The following GPD2 variants were observed in gnomAD, a reference collection of about 807,000 sequenced individuals.
The protein encoded by GPD2 is glycerol-3-phosphate dehydrogenase, mitochondrial.
GPD2 carries 54 observed loss-of-function variants against 82.4 expected under a neutral mutation model. That is an observed-to-expected ratio of 0.66 (90% confidence interval 0.53 to 0.82). The LOEUF is 0.82. Ranked by LOEUF, GPD2 falls within the 40% of genes least tolerant of loss-of-function variation. GPD2 has a pLI of 0.00. For missense variants in GPD2, 748 were observed against 896.2 expected (o/e 0.83, Z 2.11); for synonymous variants, 288 against 306.1 (o/e 0.94, Z 0.62).
At chr2:156,553,597 C>G (rs3769367) in intron 8 of GPD2, among the ~76,000 whole-genome samples, 40,184 of 151,948 alleles carry the variant, frequency 0.26, 5,822 homozygotes, top group East Asian at 0.58. Flanking sequence ...CTTATTCCCC[C>G]TACCTTTTGT....
intron 10 of GPD2, 23 bp downstream of exon 10, chr2:156,568,982 T>C: frequency 6.5e-7 from 1 of 1,533,820 alleles, no homozygotes; most frequent in Non-Finnish European, 8.8e-7. Context: ...ACCTTGTTAT[T>C]TTCTTTTCTT....
At chr2:156,484,338 T>C (rs897781464) in intron 2 of GPD2, among the ~76,000 whole-genome samples, 7 of 151,892 alleles carry the variant, frequency 4.6e-5, no homozygotes, top group African/African-American at 1.7e-4. Context: ...GGTTTCGCCA[T>C]GTTGGCCAGG....
chr2:156,489,020 C>T (rs2105226555), intron 2 of GPD2, among the ~76,000 whole-genome samples: 1 of 152,164 alleles, frequency 6.6e-6, no homozygotes, highest in East Asian at 1.9e-4. Context: ...GTTGGGCTCT[C>T]CTCTTTTCTG....
upstream of GPD2, among the ~76,000 whole-genome samples, chr2:156,432,773 A>AAGAGTGGG (rs1357981837): frequency 1.3e-5 from 2 of 152,184 alleles, no homozygotes; most frequent in Non-Finnish European, 2.9e-5. Flanking sequence ...TGTGTGTGTG[A>AAGAGTGGG]AGAGTGGGAG....
At chr2:156,539,523 C>G (rs1370963485) in intron 6 of GPD2, among the ~76,000 whole-genome samples, 1 of 152,154 alleles carries the variant, frequency 6.6e-6, no homozygotes, top group Non-Finnish European at 1.5e-5. Context: ...GTGGAATCTT[C>G]CTGTGATTAA....
chr2:156,571,682 G>A (rs1320921728), intron 13 of GPD2, among the ~76,000 whole-genome samples: 3 of 152,088 alleles, frequency 2.0e-5, no homozygotes, highest in Admixed American at 6.6e-5. Flanking sequence ...CTTATCATTT[G>A]TGTCATTTGA....
chr2:156,529,111 C>A (rs926816645), intron 6 of GPD2, among the ~76,000 whole-genome samples: 4 of 145,672 alleles, frequency 2.7e-5, no homozygotes, highest in Admixed American at 2.1e-4. Context: ...TGTTTCCTGA[C>A]TTTTTAATGA....
At chr2:156,418,168 T>G in the GPD2 span, among the ~76,000 whole-genome samples, 2 of 151,558 alleles carry the variant, frequency 1.3e-5, no homozygotes, top group East Asian at 3.9e-4. Flanking sequence ...TGCGCGGAGA[T>G]TGAGCCACTG....
intron 1 of GPD2, among the ~76,000 whole-genome samples, chr2:156,454,493 G>GAA (rs66530643): frequency 0.24 from 35,310 of 148,504 alleles, 4,959 homozygotes; most frequent in South Asian, 0.33. Flanking sequence ...CTATCTCTAT[G>GAA]AAAAAAAAAA....
chr2:156,517,345 A>G (rs75266297), intron 6 of GPD2, among the ~76,000 whole-genome samples: 1,743 of 152,318 alleles, frequency 0.011, 30 homozygotes, highest in African/African-American at 0.039. Flanking sequence ...TTAACCACTG[A>G]AAAACAAATT....
At chr2:156,405,642 T>C in the GPD2 span, among the ~76,000 whole-genome samples, 676 of 152,310 alleles carry the variant, frequency 4.4e-3, 21 homozygotes, top group Admixed American at 0.036. Flanking sequence ...AATGCTGTAG[T>C]AGGCAGTGAT....
chr2:156,530,465 A>G (rs534620783), intron 6 of GPD2, among the ~76,000 whole-genome samples: 2,121 of 150,998 alleles, frequency 0.014, 27 homozygotes, highest in South Asian at 0.021. Flanking sequence ...TTCCAACACT[A>G]TGTTGAATAG....
chr2:156,581,482 A>G (rs1442566348), intron 16 of GPD2, among the ~76,000 whole-genome samples: 4 of 152,284 alleles, frequency 2.6e-5, no homozygotes, highest in Admixed American at 1.3e-4. Flanking sequence ...AGACAAAGCA[A>G]TAAACAATAA....
At chr2:156,496,967 A>G (rs1015544693) in intron 3 of GPD2, among the ~76,000 whole-genome samples, 2 of 151,712 alleles carry the variant, frequency 1.3e-5, no homozygotes, top group Non-Finnish European at 2.9e-5. Context: ...CATTCTGTCT[A>G]TTAGTGGAAA....
intron 6 of GPD2, among the ~76,000 whole-genome samples, chr2:156,533,756 CTGACCCCCCTCGCAGGA>C (rs1234435992): frequency 6.6e-6 from 1 of 152,220 alleles, no homozygotes; most frequent in Non-Finnish European, 1.5e-5. Context: ...GGAGAGTTCT[CTGACCCCCCTCGCAGGA>C]TGTGCAATGG....
At chr2:156,451,101 CT>C (rs1387413378) in intron 1 of GPD2, among the ~76,000 whole-genome samples, 3 of 149,400 alleles carry the variant, frequency 2.0e-5, no homozygotes, top group Non-Finnish European at 3.0e-5. Context: ...ATTTCTCAAT[CT>C]TTTCCCCACC....
chr2:156,553,651 C>T (rs1008575291), intron 8 of GPD2, among the ~76,000 whole-genome samples: 3 of 152,106 alleles, frequency 2.0e-5, no homozygotes, highest in African/African-American at 4.8e-5. Flanking sequence ...CCTCTTCTTC[C>T]AATTCCTTCC....
rs148455096 is a variant in GPD2, at chr2:156,553,034, G to A, written c.971+2288G>A. Among the ~76,000 whole-genome samples the A allele has an allele frequency of 1.0e-3, 151 of 151,300 alleles. 1 individual carries two copies. The highest frequency in any genetic ancestry group is 1.8e-3 in the Admixed American group (27 of 15,150). ...CCTGCCTCAGCCTCCCGAGTAGCTC[G>A]CCCGCCACCACACCCAGCTAATTTT... is the stretch of plus-strand genomic sequence containing the variant. On this transcript the variant is annotated intron_variant, in intron 8 of 16. Transcript: ENST00000438166.
intron 1 of GPD2, among the ~76,000 whole-genome samples, chr2:156,465,329 C>A (rs1388755293): frequency 6.8e-6 from 1 of 147,618 alleles, no homozygotes; most frequent in Non-Finnish European, 1.5e-5. Flanking sequence ...AGGTAAAGGA[C>A]TTTTTCTTTT....
Sources: gnomAD v4.1 joint callset for allele counts (sites outside exome capture counted in the v4.1 genomes callset) on GRCh38, gnomAD v4.1.1 for gene constraint, MANE v1.5 for transcripts, NCBI Gene and HGNC (gene_info 2026-07-23, HGNC 2026-07-21) for gene names.